DPP6: variants seen among roughly 807,000 people sequenced by gnomAD.
DPP6 encodes the protein A-type potassium channel modulatory protein DPP6.
Under a neutral mutation model 122.6 loss-of-function variants are expected in DPP6, and 69 were observed. The observed-to-expected ratio is 0.56, with a 90% CI of 0.46 to 0.69. DPP6 has a LOEUF of 0.69. Ranked by LOEUF, DPP6 falls within the 30% of genes least tolerant of loss-of-function variation. DPP6 has a pLI of 0.00. For synonymous variants in DPP6, 418 were observed against 433.1 expected, an observed-to-expected ratio of 0.97 and a Z score of 0.43; for missense variants, 928 against 1,116.9, an observed-to-expected ratio of 0.83 and a Z score of 2.41.
rs1806544197 is a variant in DPP6, at chr7:154,111,155, A to AT, written c.243+58094dup. 2.0e-5 allele frequency among the ~76,000 whole-genome samples: 3 copies of AT among 152,144 alleles called. No individual in the cohort carries two copies. In the South Asian group the frequency reaches 6.2e-4, roughly 32 times the overall value. On this transcript the variant is annotated intron_variant, in intron 1 of 25. Transcript: ENST00000377770. ...TGTGCTTGATTGAAAGGACAGACACATTCAGTTGTTGTTATTTGTGATTAT... is the reference window on the plus strand; with the variant it reads ...TGTGCTTGATTGAAAGGACAGACACATTTCAGTTGTTGTTATTTGTGATTAT...
chr7:154,021,348 C>A (rs890260664), intron 1 of DPP6, among the ~76,000 whole-genome samples: 18 of 152,106 alleles, frequency 1.2e-4, no homozygotes, highest in African/African-American at 3.6e-4. Flanking sequence ...GTCCTGCAGC[C>A]ATATGTAAGT....
chr7:154,234,375 A>G (rs1013543927), intron 1 of DPP6, among the ~76,000 whole-genome samples: 3 of 152,186 alleles, frequency 2.0e-5, no homozygotes, highest in Non-Finnish European at 4.4e-5. Flanking sequence ...GTTTCCCAGA[A>G]AATTCCAAGG....
Position 153,900,738 on chromosome 7 carries a change from G to T in DPP6, c.51+13004G>T, listed in dbSNP as rs145344168. On this transcript the variant is annotated intron_variant, in intron 1 of 25. Coordinates refer to the DPP6 transcript ENST00000404039. ...ATTTGAACATGAGGTTTGGGGGGTG[G>T]ATAAACATCCAAACTATAGCAGCAC... Among the ~76,000 whole-genome samples, 442 of 152,186 alleles carry T rather than the reference G, an allele frequency of 2.9e-3. 2 individuals are homozygous for T. Among genetic ancestry groups the T allele is most frequent in the African/African-American group, 9.9e-3 (411 of 41,516 alleles).
At chr7:154,102,451 A>G (rs1472503135) in intron 1 of DPP6, among the ~76,000 whole-genome samples, 1 of 152,114 alleles carries the variant, frequency 6.6e-6, no homozygotes, top group African/African-American at 2.4e-5. Context: ...AGCCTCCCAA[A>G]GTGCTGGGAT....
chr7:154,723,463 A>AT (rs201171547), intron 7 of DPP6, among the ~76,000 whole-genome samples: 17 of 91,670 alleles, frequency 1.9e-4, no homozygotes, highest in South Asian at 4.7e-4. Flanking sequence ...CAACACATTT[A>AT]TTTTTAAAAA....
intron 7 of DPP6, among the ~76,000 whole-genome samples, chr7:154,720,291 A>T (rs975322919): frequency 1.3e-5 from 2 of 152,184 alleles, no homozygotes; most frequent in Admixed American, 1.3e-4. Flanking sequence ...GCAGGGCAGC[A>T]TGGAGGAAGT....
intron 1 of DPP6, among the ~76,000 whole-genome samples, chr7:154,288,118 A>T: frequency 6.6e-6 from 1 of 152,164 alleles, no homozygotes; most frequent in East Asian, 1.9e-4. Context: ...AAGTCCTTAG[A>T]GCCACAGAAA....
At chr7:153,777,124 T>G in the DPP6 span, among the ~76,000 whole-genome samples, 1 of 152,314 alleles carries the variant, frequency 6.6e-6, no homozygotes, top group Non-Finnish European at 1.5e-5. Context: ...AACAAACACA[T>G]GCAAAGATTC....
At chr7:154,635,735 C>A (rs1835691407) in intron 5 of DPP6, among the ~76,000 whole-genome samples, 1 of 152,112 alleles carries the variant, frequency 6.6e-6, no homozygotes, top group Non-Finnish European at 1.5e-5. Flanking sequence ...GAAGGCTTGA[C>A]CGGAGATGGG....
intron 1 of DPP6, among the ~76,000 whole-genome samples, chr7:153,930,707 C>G (rs146351854): frequency 2.2e-4 from 33 of 152,266 alleles, no homozygotes; most frequent in African/African-American, 6.3e-4. Context: ...ACTAAATCCT[C>G]TCATGCAATT....
At chr7:154,208,539 C>T (rs1799575346) in intron 1 of DPP6, among the ~76,000 whole-genome samples, 1 of 152,184 alleles carries the variant, frequency 6.6e-6, no homozygotes. Flanking sequence ...TAAGTAAGCG[C>T]TATGTACTTA....
At chr7:154,889,689 T>C in intron 25 of DPP6, 159 bp downstream of exon 25, 2 of 1,126,980 alleles carry the variant, frequency 1.8e-6, no homozygotes, top group Non-Finnish European at 2.5e-6. Flanking sequence ...AATCAGCACA[T>C]GCTCAACGTT....
At chr7:154,384,751 T>TTTTTA (rs1813936006) in intron 1 of DPP6, among the ~76,000 whole-genome samples, 1 of 149,592 alleles carries the variant, frequency 6.7e-6, no homozygotes, top group African/African-American at 2.4e-5. Flanking sequence ...TATTTTTTTT[T>TTTTTA]GAGACAGAGT....
At chr7:154,709,682 G>T (rs1358791649) in intron 7 of DPP6, among the ~76,000 whole-genome samples, 1 of 150,714 alleles carries the variant, frequency 6.6e-6, no homozygotes, top group Non-Finnish European at 1.5e-5. Context: ...TAACTGGCCA[G>T]ACTGATTCTA....
chr7:153,822,379 C>T, the DPP6 span, among the ~76,000 whole-genome samples: 4 of 151,836 alleles, frequency 2.6e-5, no homozygotes, highest in East Asian at 1.9e-4. Flanking sequence ...TTAGTAGAGA[C>T]GGGGTTTCAC....
In DPP6 at chr7:154,127,594, ATC is replaced by A. The variant is rs201641285; in HGVS notation, c.243+74534_243+74535del. On this transcript the variant is annotated intron_variant, in intron 1 of 25. Transcript: ENST00000377770. ...GGGAGTTGGGGTAAACAGGAGCAGC[ATC>A]TCACACACACACACACACACACACA... is the stretch of plus-strand genomic sequence containing the variant. Among the ~76,000 whole-genome samples, 497 of 79,784 alleles carry A rather than the reference ATC, an allele frequency of 6.2e-3. 4 individuals carry two copies. The highest frequency in any genetic ancestry group is 0.024 in the African/African-American group (457 of 19,436). 52.3% of individuals were successfully genotyped at this position (79,784 alleles called of 152,430 possible).
At chr7:154,400,214 C>T (rs1051176154) in intron 1 of DPP6, among the ~76,000 whole-genome samples, 2 of 152,160 alleles carry the variant, frequency 1.3e-5, no homozygotes, top group African/African-American at 2.4e-5. Context: ...CGGGAGACGC[C>T]TCCTGACTCT....
intron 1 of DPP6, among the ~76,000 whole-genome samples, chr7:154,412,821 C>T (rs905991102): frequency 3.9e-5 from 6 of 152,230 alleles, no homozygotes; most frequent in African/African-American, 1.4e-4. Flanking sequence ...CACACTGTGG[C>T]AGGTGAGTGC....
At chr7:154,575,092 C>A (rs1235459973) in intron 5 of DPP6, among the ~76,000 whole-genome samples, 865 of 78,614 alleles carry the variant, frequency 0.011, 11 homozygotes, top group African/African-American at 0.037. Context: ...GTGTGATGTG[C>A]GTGTGGTGTG....
Sources: allele counts gnomAD v4.1 joint callset (sites outside exome capture counted in the v4.1 genomes callset), GRCh38; gene constraint gnomAD v4.1.1; transcripts MANE v1.5; gene names NCBI Gene and HGNC (gene_info 2026-07-23, HGNC 2026-07-21).